PNPLA8: variants seen among roughly 807,000 people sequenced by gnomAD.
The protein encoded by PNPLA8 is patatin like domain 8, phospholipase A2.
In PNPLA8, 39 loss-of-function variants were observed where a neutral mutation model predicts 76.9. The ratio of observed to expected loss-of-function variants is 0.51; its 90% CI spans 0.39 to 0.66. PNPLA8 has a LOEUF of 0.66. Among genes scored for constraint, PNPLA8 ranks in the 30% least tolerant of loss-of-function variants. PNPLA8 has a pLI of 0.00. For missense variants in PNPLA8, 887 were observed against 918.0 expected (o/e 0.97, Z 0.44); for synonymous variants, 301 against 307.9 (o/e 0.98, Z 0.24).
rs778010345 is a variant in PNPLA8 at position 108,502,491 on chromosome 7, C to T, written c.1358G>A (p.Arg453Lys). The change falls in exon 5 of 11, where the codon AGG (arginine) becomes AAG (lysine). Residue 453 changes from arginine to lysine, a missense_variant and splice_region_variant. By Grantham distance (26) the Arg-to-Lys change is conservative (BLOSUM62 2). Transcript: ENST00000257694. The stretch of plus-strand genomic sequence containing the variant: ...AAAAGAATCATGTTCCTAGCCTTAC[C>T]TTGTTCCTCCACCATCAATTGAGAG... The part of the protein sequence containing the change: ...RILSIDGGGT[R>K]GVVALQTLRK... 2.3e-6 allele frequency: 3 copies of T among 1,303,570 alleles called. No homozygotes were observed. Among genetic ancestry groups the T allele is most frequent in the Non-Finnish European group, 3.3e-6 (3 of 914,368 alleles). 80.8% of individuals were successfully genotyped at this position (1,303,570 alleles called of 1,614,324 possible). A position where few individuals can be genotyped will look rare whatever the true frequency, so the allele number is the denominator to read the frequency against.
Position 108,510,132 on chromosome 7 carries a change from C to T in PNPLA8, c.1206+4012G>A. On this transcript the variant is annotated intron_variant, in intron 4 of 10. Coordinates refer to ENST00000257694, the MANE Select transcript of PNPLA8 (RefSeq NM_001256007.3). ...GCATGGCACATGTATACATATGTAA[C>T]TAACCTGCACAATGTGCACATGTAC... The T allele has an allele frequency of 6.8e-6, 4 of 585,452 alleles. No homozygotes were observed. The South Asian group carries it at 9.1e-5, about 13-fold the overall frequency. The allele number at this position is 585,452 out of a possible 1,614,324, so 36.3% of individuals were successfully genotyped here. A position where few individuals can be genotyped will look rare whatever the true frequency, so the allele number is the denominator to read the frequency against.
chr7:108,472,642 G>C lies in PNPLA8; in HGVS notation c.2108C>G (p.Pro703Arg). The C allele has an allele frequency of 6.3e-7, 1 of 1,593,780 alleles. No homozygotes were observed. Among genetic ancestry groups the C allele is most frequent in the South Asian group, 1.2e-5 (1 of 85,690 alleles). The change falls in exon 11 of 11, where the codon CCT becomes CGT. Residue 703 changes from proline to arginine, a missense_variant. Physicochemically the swap from Pro to Arg is moderately radical, Grantham distance 103. Transcript: ENST00000257694. ...VHIMLDGLLP[P>R]DTYFRFNPVM... ...AGGATTGAATCTAAAATAGGTGTCA[G>C]GAGGTAACAGGCCATCAAGCATTAT...
intron 7 of PNPLA8, among the ~76,000 whole-genome samples, chr7:108,495,117 G>A (rs1049384991): frequency 1.3e-5 from 2 of 152,076 alleles, no homozygotes; most frequent in Non-Finnish European, 2.9e-5. Context: ...AGATGAATAA[G>A]CTAAAACCAC....
upstream of PNPLA8, among the ~76,000 whole-genome samples, chr7:108,527,114 C>T (rs773900872): frequency 2.0e-5 from 3 of 152,136 alleles, no homozygotes; most frequent in Admixed American, 6.5e-5. Context: ...AGTTATCAAC[C>T]TCAAAATGTT....
intron 7 of PNPLA8, 25 bp downstream of exon 7, chr7:108,496,559 T>C: frequency 6.7e-7 from 1 of 1,500,038 alleles, no homozygotes; most frequent in Non-Finnish European, 9.1e-7. Flanking sequence ...AATCAGAAGA[T>C]TTAAAAAGAG....
chr7:108,521,929 A>C (rs745876862), intron 1 of PNPLA8, among the ~76,000 whole-genome samples: 1 of 152,164 alleles, frequency 6.6e-6, no homozygotes, highest in Non-Finnish European at 1.5e-5. Flanking sequence ...TCAGGCCACG[A>C]TGGAAGGGGG....
Position 108,471,213 on chromosome 7 carries a change from C to CTTTTT in PNPLA8, c.*1183_*1187dup, listed in dbSNP as rs67049113. 2.3e-4 allele frequency: 28 copies of CTTTTT among 120,142 alleles called. No homozygotes were observed. The highest frequency in any genetic ancestry group is 6.3e-4 in the African/African-American group (20 of 31,504). The allele number at this position is 120,142 out of a possible 1,614,324, so 7.4% of individuals were successfully genotyped here. ...TAAGGTAAAACAAGCCTAACTTCTT[C>CTTTTT]TTTTTTTTTTTTTTTTTTTTGAGAT... On this transcript the variant is annotated 3_prime_UTR_variant, in exon 11 of 11. Transcript: ENST00000257694.
At chr7:108,485,450 GAAT>G (rs1228576062) in intron 9 of PNPLA8, among the ~76,000 whole-genome samples, 1 of 151,984 alleles carries the variant, frequency 6.6e-6, no homozygotes, top group Non-Finnish European at 1.5e-5. Context: ...TGCTCAAATA[GAAT>G]ATTAATTAAC....
Position 108,514,513 on chromosome 7 carries a change from G to T in PNPLA8, c.979C>A (p.Pro327Thr). Residue 327 changes from proline to threonine, a missense_variant, in exon 3 of 11, where the codon CCT becomes ACT. By Grantham distance (38) the Pro-to-Thr change is conservative. Coordinates refer to ENST00000257694, the MANE Select transcript of PNPLA8 (RefSeq NM_001256007.3). The stretch of plus-strand genomic sequence containing the variant: ...CTGACAGCCTGATCAGTTTTAGCAG[G>T]CTCTTCCTGTTCTTCTGACTGACTC... ...SKSQSEEQEE[P>T]AKTDQAVSKD... The T allele has an allele frequency of 6.2e-7, 1 of 1,613,640 alleles. No homozygotes were observed. The highest frequency in any genetic ancestry group is 8.5e-7 in the Non-Finnish European group (1 of 1,179,630).
intron 10 of PNPLA8, 144 bp from the exon 11 acceptor site, chr7:108,472,819 A>C: frequency 1.8e-6 from 1 of 553,918 alleles, no homozygotes; most frequent in South Asian, 3.0e-5. Context: ...TCAAACTGAC[A>C]GTAGAAGTAA....
intron 4 of PNPLA8, among the ~76,000 whole-genome samples, chr7:108,511,416 G>C (rs1598952611): frequency 6.6e-6 from 1 of 152,036 alleles, no homozygotes; most frequent in Admixed American, 6.6e-5. Context: ...TGCATTATGA[G>C]GCACATGACA....
chr7:108,495,179 C>T (rs184860512), intron 7 of PNPLA8, among the ~76,000 whole-genome samples: 73 of 152,272 alleles, frequency 4.8e-4, no homozygotes, highest in Middle Eastern at 3.4e-3. Flanking sequence ...TTAAAACATG[C>T]ATATCCTCTG....
In PNPLA8 at chr7:108,514,832, T is replaced by A; in HGVS notation, c.660A>T (p.Lys220Asn). The change falls in exon 3 of 11, where the codon AAA (lysine) becomes AAT (asparagine). Residue 220 changes from lysine (K) to asparagine (N), a missense_variant. Physicochemically the swap from Lys to Asn is moderately conservative, Grantham distance 94. Coordinates refer to ENST00000257694, the MANE Select transcript of PNPLA8 (RefSeq NM_001256007.3). ...HINSYFKRKE[K>N]MSQQKENEHF... ...GTTCATTTTCCTTTTGTTGAGACAT[T>A]TTTTCCTTACGTTTGAAATATGAAT... 6.2e-7 allele frequency: 1 copy of A among 1,613,138 alleles called. No individual in the cohort carries two copies. Among genetic ancestry groups the A allele is most frequent in the Non-Finnish European group, 8.5e-7 (1 of 1,179,250 alleles).
chr7:108,478,793 T>C (rs1023358145), intron 10 of PNPLA8, among the ~76,000 whole-genome samples: 4 of 152,214 alleles, frequency 2.6e-5, no homozygotes, highest in African/African-American at 9.6e-5. Flanking sequence ...CAGTTTGCCT[T>C]GACAGTATTA....
At position 108,471,327 on chromosome 7, in the gene PNPLA8, G is replaced by C. The variant is rs1563922160; in HGVS notation, c.*1074C>G. 1 of 149,188 alleles carries C rather than the reference G, an allele frequency of 6.7e-6. No homozygotes were observed. Among genetic ancestry groups the C allele is most frequent in the Non-Finnish European group, 1.5e-5 (1 of 67,804 alleles). 9.2% of individuals were successfully genotyped at this position (149,188 alleles called of 1,614,324 possible). On this transcript the variant is annotated 3_prime_UTR_variant, in exon 11 of 11. Transcript: ENST00000257694. ...TCTCTCAGGTTCAAGCCATTCTCCT[G>C]CCTTAGCCTCCCGAGTAGCTGGGAC...
chr7:108,493,987 A>G (rs1172281226), intron 7 of PNPLA8, among the ~76,000 whole-genome samples: 3 of 152,152 alleles, frequency 2.0e-5, no homozygotes, highest in Non-Finnish European at 4.4e-5. Context: ...TCTAATATAG[A>G]TAAGAATTTC....
chr7:108,510,839 G>A, intron 4 of PNPLA8: 4 of 1,598,940 alleles, frequency 2.5e-6, no homozygotes, highest in Non-Finnish European at 3.4e-6. Flanking sequence ...CTTCAAAGAG[G>A]CAAATAACTT....
chr7:108,499,004 A>AT (rs961715149), intron 5 of PNPLA8, among the ~76,000 whole-genome samples: 7 of 152,324 alleles, frequency 4.6e-5, no homozygotes, highest in East Asian at 1.9e-4. Context: ...AAAGATGCTG[A>AT]TTTTTTAAAT....
At position 108,514,695 on chromosome 7, in the gene PNPLA8, A is replaced by C. The variant is rs777742170; in HGVS notation, c.797T>G (p.Val266Gly). 10 of 1,614,068 alleles carry C rather than the reference A, an allele frequency of 6.2e-6. No individual in the cohort carries two copies. In the Middle Eastern group the frequency reaches 6.6e-4, roughly 107 times the overall value. ...YKPGSESVHT[V>G]DKPTSPSAIP... is the part of the protein sequence containing the mutation. ...CGCAGAAGGACTTGTAGGCTTGTCC[A>C]CCGTATGTACAGATTCTGAGCCTGG... The change falls in exon 3 of 11, where the codon GTG becomes GGG. Residue 266 changes from valine (V) to glycine (G), a missense_variant. Physicochemically the swap from Val to Gly is moderately radical, Grantham distance 109. Coordinates refer to ENST00000257694, the MANE Select transcript of PNPLA8 (RefSeq NM_001256007.3).
Sources: gnomAD v4.1 joint callset for allele counts (sites outside exome capture counted in the v4.1 genomes callset) on GRCh38, gnomAD v4.1.1 for gene constraint, MANE v1.5 for transcripts, NCBI Gene and HGNC (gene_info 2026-07-23, HGNC 2026-07-21) for gene names.